Variants in AMOT observed in about 807,000 individuals in gnomAD.
AMOT encodes the protein angiomotin.
A neutral mutation model predicts 67.0 loss-of-function variants in AMOT; 11 were observed. That is an observed-to-expected ratio of 0.16 (90% CI 0.10 to 0.27). The LOEUF (loss-of-function observed/expected upper bound fraction) is 0.27. Among genes scored for constraint, AMOT ranks in the 10% least tolerant of loss-of-function variants. The pLI is 1.00. For synonymous variants in AMOT, 326 were observed against 321.4 expected (o/e 1.01, Z -0.15); for missense variants, 753 against 852.0 (o/e 0.88, Z 1.45).
rs757518646 is a variant in AMOT, at chrX:112,780,932, G to T, written c.2427C>A (p.Pro809=). Residue 809 remains proline, a synonymous_variant, in exon 12 of 14, where the codon CCC becomes CCA. Transcript: ENST00000371959. ...LSHSSTLTGS[P]IMEEKRDDKS... ...TGTCGTCTCGCTTTTCTTCCATGAT[G>T]GGGGAGCCAGTCAGGGTGGATGAGT... is the stretch of plus-strand genomic sequence containing the variant. 1.7e-6 allele frequency: 2 copies of T among 1,210,061 alleles called. No individual in the cohort carries two copies. Among genetic ancestry groups the T allele is most frequent in the Non-Finnish European group, 2.2e-6 (2 of 895,263 alleles).
At chrX:112,836,404 G>A (rs1315174684) in intron 1 of AMOT, among the ~76,000 whole-genome samples, 4 of 111,970 alleles carry the variant, frequency 3.6e-5, no homozygotes, top group African/African-American at 1.3e-4. Flanking sequence ...AGCCTCTCCT[G>A]GCATTTGAGA....
intron 6 of AMOT, among the ~76,000 whole-genome samples, chrX:112,810,688 C>A (rs1463822294): frequency 3.0e-5 from 3 of 101,500 alleles, no homozygotes; most frequent in African/African-American, 1.1e-4. Flanking sequence ...CCAGCCTGGG[C>A]GACAGTGCAA....
At position 112,823,057 on chromosome X, in the gene AMOT, G is replaced by A. The variant is rs946043007; in HGVS notation, c.70C>T (p.Arg24Cys). 2.6e-6 allele frequency: 3 copies of A among 1,165,605 alleles called. No individual in the cohort carries two copies. The highest frequency in any genetic ancestry group is 3.4e-6 in the Non-Finnish European group (3 of 872,666). Residue 24 changes from arginine to cysteine, a missense_variant, in exon 4 of 14, where the codon CGC becomes TGC. This residue lies in a region of AMOT where 118 missense variants were observed against 125.9 expected (regional missense o/e 0.94). Coordinates refer to ENST00000371959, the MANE Select transcript of AMOT (RefSeq NM_001113490.2). Reference protein sequence around the residue: ...VLQRLLQEQLRYGNPSENRSL... With the variant: ...VLQRLLQEQLCYGNPSENRSL... The stretch of plus-strand genomic sequence containing the variant: ...CGATTCTCACTAGGATTGCCATAGC[G>A]AAGCTGCTCTTGTAGCAAACGCTGC...
chrX:112,823,475 G>C (rs1934766153), intron 3 of AMOT, among the ~76,000 whole-genome samples: 1 of 111,148 alleles, frequency 9.0e-6, no homozygotes, highest in African/African-American at 3.3e-5. Context: ...AGTCAACTAG[G>C]GTAATCAAAG....
chrX:112,803,643 A>G (rs765613796), intron 8 of AMOT, among the ~76,000 whole-genome samples: 2 of 112,101 alleles, frequency 1.8e-5, no homozygotes, highest in East Asian at 5.6e-4. Flanking sequence ...GTGTGAATTT[A>G]CAGCCCAACT....
In AMOT at chrX:112,809,925, G is replaced by C. The variant is rs773669278; in HGVS notation, c.1599C>G (p.Thr533=). The C allele has an allele frequency of 2.5e-6, 3 of 1,211,154 alleles. No homozygotes were observed. The highest frequency in any genetic ancestry group is 3.5e-5 in the South Asian group (2 of 56,926). The change falls in exon 7 of 14, where the codon ACC becomes ACG. Residue 533 remains threonine, a synonymous_variant. Transcript: ENST00000371959. ...CAAAGAGCTGCGAGATGGTTTTTCT[G>C]GTGTCCTCTGACCCCTCATATTCCT... The part of the protein sequence containing the change: ...AEKEYEGSED[T]RKTISQLFAK...
At chrX:112,831,541 T>C (rs1404803490) in intron 2 of AMOT, among the ~76,000 whole-genome samples, 1 of 109,944 alleles carries the variant, frequency 9.1e-6, no homozygotes, top group Non-Finnish European at 1.9e-5. Flanking sequence ...GGAGGCCCAA[T>C]TCAACGGGAA....
chrX:112,778,926 GACA>G, intron 13 of AMOT, 68 bp downstream of exon 13: 1 of 1,042,152 alleles, frequency 9.6e-7, no homozygotes, highest in Non-Finnish European at 1.3e-6. Flanking sequence ...CCAGACATCA[GACA>G]ACAAGAAATA....
At chrX:112,817,547 C>T (rs1934600903) in intron 4 of AMOT, among the ~76,000 whole-genome samples, 1 of 111,669 alleles carries the variant, frequency 9.0e-6, no homozygotes. Flanking sequence ...GGGCTTTTTA[C>T]AGCTACAAAA....
intron 8 of AMOT, among the ~76,000 whole-genome samples, chrX:112,800,619 G>A (rs1205282057): frequency 8.9e-6 from 1 of 112,303 alleles, no homozygotes; most frequent in African/African-American, 3.2e-5. Flanking sequence ...AGGGAAGCAG[G>A]AAATTGGTTA....
chrX:112,814,813 T>TG, intron 5 of AMOT, among the ~76,000 whole-genome samples: 1 of 110,684 alleles, frequency 9.0e-6, no homozygotes, highest in Middle Eastern at 4.6e-3. Context: ...AATCAAAGGG[T>TG]GGGGTGGAGG....
At chrX:112,795,208 T>C (rs1028520761) in intron 8 of AMOT, among the ~76,000 whole-genome samples, 1 of 110,183 alleles carries the variant, frequency 9.1e-6, no homozygotes, top group African/African-American at 3.3e-5. Context: ...TTTCTCTCTC[T>C]TTCATTCTCT....
chrX:112,781,155 T>C, intron 11 of AMOT, 37 bp from the exon 12 acceptor site: 1 of 1,165,434 alleles, frequency 8.6e-7, no homozygotes, highest in Non-Finnish European at 1.2e-6. Flanking sequence ...AAAGACCTTG[T>C]TGTGGGCTGG....
Position 112,815,665 on chromosome X carries a change from T to A in AMOT, c.1085A>T (p.His362Leu). ...PQQHFLPNQAHQGDHYRLSQP... is the reference protein window; with the variant it reads ...PQQHFLPNQALQGDHYRLSQP... ...GGAGAGACGGTAATGATCCCCCTGG[T>A]GAGCCTGATTAGGAAGGAAATGCTG... is the stretch of plus-strand genomic sequence containing the variant. Residue 362 changes from histidine to leucine, a missense_variant, in exon 5 of 14, where the codon CAC becomes CTC. Around this residue, in one of 5 missense-constraint regions of AMOT, gnomAD observed 297 missense variants for 284.3 expected, o/e 1.04. Coordinates refer to ENST00000371959, the MANE Select transcript of AMOT (RefSeq NM_001113490.2). The A allele has an allele frequency of 8.5e-7, 1 of 1,179,433 alleles. No homozygotes were observed. The highest frequency in any genetic ancestry group is 2.5e-5 in the Admixed American group (1 of 39,784).
At chrX:112,833,320 G>A (rs1006961917) in intron 1 of AMOT, among the ~76,000 whole-genome samples, 3 of 110,823 alleles carry the variant, frequency 2.7e-5, no homozygotes, top group Non-Finnish European at 5.7e-5. Context: ...TAGAAATCTT[G>A]CACTCCTGTT....
chrX:112,834,402 A>T (rs1314068796), intron 1 of AMOT, among the ~76,000 whole-genome samples: 1 of 111,758 alleles, frequency 8.9e-6, no homozygotes, highest in Non-Finnish European at 1.9e-5. Context: ...ATATAAGGGG[A>T]AAAAAAGATC....
At chrX:112,827,757 A>C (rs182867747) in intron 2 of AMOT, among the ~76,000 whole-genome samples, 129 of 111,565 alleles carry the variant, frequency 1.2e-3, no homozygotes, top group African/African-American at 4.0e-3. Flanking sequence ...AAGTCCCAGA[A>C]AATCAACATT....
Position 112,812,490 on chromosome X carries a change from G to A in AMOT, c.1393-1097C>T, listed in dbSNP as rs141059247. On this transcript the variant is annotated intron_variant, in intron 5 of 13. Coordinates refer to ENST00000371959, the MANE Select transcript of AMOT (RefSeq NM_001113490.2). Reference sequence around the variant, plus strand: ...CACCCCTGCAAATCTCATAAAATGGGGAAAATAAACTCAGAGAGAAAGGGT... The same window carrying A: ...CACCCCTGCAAATCTCATAAAATGGAGAAAATAAACTCAGAGAGAAAGGGT... Among the ~76,000 whole-genome samples the A allele has an allele frequency of 3.5e-3, 385 of 111,378 alleles. 2 individuals carry two copies. Among genetic ancestry groups the A allele is most frequent in the African/African-American group, 0.012 (370 of 30,632 alleles).
intron 3 of AMOT, among the ~76,000 whole-genome samples, chrX:112,824,256 T>C (rs375273828): frequency 3.6e-5 from 4 of 112,124 alleles, no homozygotes; most frequent in East Asian, 5.6e-4. Context: ...TTGGGCAGAA[T>C]CTGTCAATGT....
Sources: gnomAD v4.1 joint callset for allele counts (sites outside exome capture counted in the v4.1 genomes callset) on GRCh38, gnomAD v4.1.1 for gene constraint, gnomAD v4.1.1 regional missense constraint, MANE v1.5 for transcripts, NCBI Gene and HGNC (gene_info 2026-07-23, HGNC 2026-07-21) for gene names.